The following PCDHGA11 variants were observed in gnomAD, a reference collection of about 807,000 sequenced individuals.
PCDHGA11 encodes the protein protocadherin gamma-A11.
Under a neutral mutation model 60.4 loss-of-function variants are expected in PCDHGA11, and 39 were observed. That is an observed-to-expected ratio of 0.65 (90% CI 0.50 to 0.84). The LOEUF (loss-of-function observed/expected upper bound fraction) is 0.84. PCDHGA11 is among the 40% of genes least tolerant of loss of function. PCDHGA11 has a pLI of 0.00. For synonymous variants in PCDHGA11, 533 were observed against 510.3 expected (o/e 1.04, Z -0.60); for missense variants, 1,165 against 1,197.7 (o/e 0.97, Z 0.40).
Position 141,436,345 on chromosome 5 carries a change from G to A in PCDHGA11, c.2433+12685G>A, listed in dbSNP as rs930858667. 5.9e-4 allele frequency among the ~76,000 whole-genome samples: 90 copies of A among 152,212 alleles called. 1 individual carries two copies. Among genetic ancestry groups the A allele is most frequent in the African/African-American group, 1.7e-3 (69 of 41,540 alleles). ...GTTAGACCATATCTCAAATATCAGT[G>A]ACTTCAATCAACTATGTTTCCAGTT... On this transcript the variant is annotated intron_variant, in intron 1 of 3. Coordinates refer to ENST00000398587, the MANE Select transcript of PCDHGA11 (RefSeq NM_018914.3).
intron 1 of PCDHGA11, among the ~76,000 whole-genome samples, chr5:141,465,407 A>G (rs1019401245): frequency 6.6e-6 from 1 of 152,218 alleles, no homozygotes; most frequent in African/African-American, 2.4e-5. Flanking sequence ...AGAAGAAGCC[A>G]AATCAGCACT....
intron 3 of PCDHGA11, 61 bp downstream of exon 3, chr5:141,505,542 A>C: frequency 2.6e-5 from 42 of 1,604,950 alleles, no homozygotes; most frequent in Non-Finnish European, 3.2e-5. Flanking sequence ...GGTGCATCTC[A>C]CAGCCACCAT....
intron 1 of PCDHGA11, among the ~76,000 whole-genome samples, chr5:141,445,902 T>C (rs1022574381): frequency 3.9e-5 from 6 of 152,186 alleles, no homozygotes; most frequent in Non-Finnish European, 8.8e-5. Context: ...TTAAAATATT[T>C]TAAACAAGGC....
chr5:141,421,813 G>A lies in PCDHGA11; in HGVS notation c.586G>A (p.Val196Ile). 1 of 1,613,838 alleles carries A rather than the reference G, an allele frequency of 6.2e-7. No individual in the cohort carries two copies. Among genetic ancestry groups the A allele is most frequent in the Non-Finnish European group, 8.5e-7 (1 of 1,179,882 alleles). The change falls in exon 1 of 4, where the codon GTA becomes ATA. Residue 196 changes from valine (V) to isoleucine (I), a missense_variant. Physicochemically the swap from Val to Ile is conservative, Grantham distance 29 (BLOSUM62 3). Coordinates refer to ENST00000398587, the MANE Select transcript of PCDHGA11 (RefSeq NM_018914.3). ...RTDGAKNPEL[V>I]LEGSLDREKE... The stretch of plus-strand genomic sequence containing the variant: ...GGATGGGGCCAAGAATCCAGAGCTA[G>A]TACTGGAGGGAAGCCTGGACCGAGA...
At position 141,491,369 on chromosome 5, in the gene PCDHGA11, CCTTT is replaced by C; in HGVS notation, c.2434-3435_2434-3432del. ...AGTCTCTTATCCCTAGTCACCTTCACCTTTCTGTCAGCGAAGTGCCTTCAGGGAA... is the reference window on the plus strand; with the variant it reads ...AGTCTCTTATCCCTAGTCACCTTCACCTGTCAGCGAAGTGCCTTCAGGGAA... On this transcript the variant is annotated intron_variant, in intron 1 of 3. Transcript: ENST00000398587. The surrounding 1 kb of genome is among the most constrained non-coding windows in gnomAD (Gnocchi z 6.9). 1 of 1,614,110 alleles carries C rather than the reference CCTTT, an allele frequency of 6.2e-7. No individual in the cohort carries two copies. Among genetic ancestry groups the C allele is most frequent in the Non-Finnish European group, 8.5e-7 (1 of 1,179,996 alleles).
intron 2 of PCDHGA11, among the ~76,000 whole-genome samples, chr5:141,499,884 C>T (rs917762715): frequency 2.0e-5 from 3 of 152,014 alleles, no homozygotes; most frequent in Admixed American, 6.5e-5. Flanking sequence ...AACAGGGTTT[C>T]GCCATGTTGG....
In PCDHGA11 at chr5:141,487,107, T is replaced by C. The variant is rs1193091014; in HGVS notation, c.2434-7700T>C. 6.2e-7 allele frequency: 1 copy of C among 1,613,926 alleles called. No individual in the cohort carries two copies. The highest frequency in any genetic ancestry group is 8.5e-7 in the Non-Finnish European group (1 of 1,179,782). On this transcript the variant is annotated intron_variant, in intron 1 of 3. Transcript: ENST00000398587. This position sits in a 1 kb window ranked among gnomAD's most constrained non-coding sequence, Gnocchi z 5.0. ...GACCTCCCACCACAGAAGCTGGTCA[T>C]TGTGGTAAAGGATAGTGGTAGTCCA...
chr5:141,432,415 G>A lies in PCDHGA11; in HGVS notation c.2433+8755G>A, dbSNP rs2097498934. The A allele has an allele frequency of 6.2e-7, 1 of 1,614,112 alleles. No homozygotes were observed. The highest frequency in any genetic ancestry group is 1.1e-5 in the South Asian group (1 of 91,092). On this transcript the variant is annotated intron_variant, in intron 1 of 3. Transcript: ENST00000398587. This position sits in a 1 kb window ranked among gnomAD's most constrained non-coding sequence, Gnocchi z 6.0. ...GCAACGTGTCGTTGAGCCTGTTCGT[G>A]CTGGACCAGAACGACAATGCGCCCG... is the stretch of plus-strand genomic sequence containing the variant.
intron 1 of PCDHGA11, among the ~76,000 whole-genome samples, chr5:141,444,203 C>A (rs2098425806): frequency 1.3e-5 from 1 of 79,180 alleles, no homozygotes; most frequent in Admixed American, 2.0e-4. Context: ...TGGAGTTTCA[C>A]TCTTGTTGCC....
intron 2 of PCDHGA11, among the ~76,000 whole-genome samples, chr5:141,498,962 A>G (rs1257746192): frequency 8.0e-6 from 1 of 124,866 alleles, no homozygotes; most frequent in Non-Finnish European, 1.7e-5. Context: ...AGAGAGAGGG[A>G]GGGAGGGAGG....
intron 1 of PCDHGA11, among the ~76,000 whole-genome samples, chr5:141,466,790 A>C (rs1240777427): frequency 2.0e-5 from 3 of 152,210 alleles, no homozygotes; most frequent in Non-Finnish European, 2.9e-5. Context: ...TTAGTGCCTC[A>C]AACTAGATCC....
At position 141,487,621 on chromosome 5, in the gene PCDHGA11, A is replaced by G; in HGVS notation, c.2434-7186A>G. The G allele has an allele frequency of 6.2e-7, 1 of 1,614,164 alleles. No individual in the cohort carries two copies. On this transcript the variant is annotated intron_variant, in intron 1 of 3. Transcript: ENST00000398587. This position sits in a 1 kb window ranked among gnomAD's most constrained non-coding sequence, Gnocchi z 5.0. ...ATCTTCTCTATGGGCTAGAGGTGAG[A>G]CCTTTGCAGGCTCAACAAATGCTTG... is the stretch of plus-strand genomic sequence containing the variant.
At chr5:141,434,920 A>G (rs927245955) in intron 1 of PCDHGA11, among the ~76,000 whole-genome samples, 3 of 151,796 alleles carry the variant, frequency 2.0e-5, no homozygotes, top group East Asian at 1.9e-4. Flanking sequence ...ATTTATGTAC[A>G]TATATTTTAT....
At chr5:141,444,864 A>G (rs1304165078) in intron 1 of PCDHGA11, among the ~76,000 whole-genome samples, 1 of 152,210 alleles carries the variant, frequency 6.6e-6, no homozygotes, top group African/African-American at 2.4e-5. Context: ...GTCTTACTAC[A>G]GGACAAAGCT....
intron 1 of PCDHGA11, chr5:141,442,120 C>G (rs766641164): frequency 6.0e-6 from 1 of 165,340 alleles, no homozygotes; most frequent in Admixed American, 6.5e-5. Flanking sequence ...CCCTCGTCGC[C>G]GACAGCCTGC....
chr5:141,491,956 A>G lies in PCDHGA11; in HGVS notation c.2434-2851A>G, dbSNP rs2099735623. 1.9e-6 allele frequency: 2 copies of G among 1,035,704 alleles called. No homozygotes were observed. Among genetic ancestry groups the G allele is most frequent in the Non-Finnish European group, 2.7e-6 (2 of 749,368 alleles). The allele number at this position is 1,035,704 out of a possible 1,614,324, so 64.2% of individuals were successfully genotyped here. A position where few individuals can be genotyped will look rare whatever the true frequency, so the allele number is the denominator to read the frequency against. On this transcript the variant is annotated intron_variant, in intron 1 of 3. Transcript: ENST00000398587. This position sits in a 1 kb window ranked among gnomAD's most constrained non-coding sequence, Gnocchi z 6.9. Reference sequence around the variant, plus strand: ...GGACCGACCCCCACCCCTACACTCAAAAAAGGCCGGGGCCTCCTTCGAGCT... The same window carrying G: ...GGACCGACCCCCACCCCTACACTCAGAAAAGGCCGGGGCCTCCTTCGAGCT...
In PCDHGA11 at chr5:141,476,065, G is replaced by T; in HGVS notation, c.2434-18742G>T. ...GCTAACCCGCTGAAAGTTTCTCAGC[G>T]AAATCTCAGGGACGATCTGGACCCC... is the stretch of plus-strand genomic sequence containing the variant. On this transcript the variant is annotated intron_variant, in intron 1 of 3. Coordinates refer to ENST00000398587, the MANE Select transcript of PCDHGA11 (RefSeq NM_018914.3). This position sits in a 1 kb window ranked among gnomAD's most constrained non-coding sequence, Gnocchi z 7.6. 6.6e-7 allele frequency: 1 copy of T among 1,511,444 alleles called. No homozygotes were observed. The highest frequency in any genetic ancestry group is 1.3e-5 in the South Asian group (1 of 76,164). The allele number at this position is 1,511,444 out of a possible 1,614,324, so 93.6% of individuals were successfully genotyped here.
At chr5:141,495,014 G>A (rs561045298) in intron 2 of PCDHGA11, 149 bp downstream of exon 2, 13 of 1,510,430 alleles carry the variant, frequency 8.6e-6, no homozygotes, top group South Asian at 7.5e-5. Flanking sequence ...GCGGGGGGCT[G>A]GCACACAGAC....
intron 1 of PCDHGA11, among the ~76,000 whole-genome samples, chr5:141,442,702 T>A (rs1301940560): frequency 1.3e-5 from 2 of 152,342 alleles, no homozygotes; most frequent in African/African-American, 4.8e-5. Context: ...GACAAGAGTA[T>A]CAGACATGCC....
Sources: allele counts gnomAD v4.1 joint callset (sites outside exome capture counted in the v4.1 genomes callset), GRCh38; gene constraint gnomAD v4.1.1; non-coding constraint Gnocchi (gnomAD v3.1); transcripts MANE v1.5; gene names NCBI Gene and HGNC (gene_info 2026-07-23, HGNC 2026-07-21).